The following CSMD1 variants were observed in gnomAD, a reference collection of about 807,000 sequenced individuals.
The protein encoded by CSMD1 is CUB and Sushi multiple domains 1, also known as CUB and sushi domain-containing protein 1.
A neutral mutation model predicts 417.5 loss-of-function variants in CSMD1; 213 were observed. The observed-to-expected ratio is 0.51, with a 90% CI of 0.46 to 0.57. The LOEUF (loss-of-function observed/expected upper bound fraction) is 0.57. Among genes scored for constraint, CSMD1 ranks in the 20% least tolerant of loss-of-function variants. CSMD1 has a pLI of 0.00. For synonymous variants in CSMD1, 2,862 were observed against 1,736.8 expected, an observed-to-expected ratio of 1.65 and a Z score of -16.11; for missense variants, 6,923 against 4,529.7, an observed-to-expected ratio of 1.53 and a Z score of -15.17.
Position 4,091,853 on chromosome 8 carries a change from A to G in CSMD1, c.416-59754T>C, listed in dbSNP as rs559135931. 2.6e-5 allele frequency among the ~76,000 whole-genome samples: 4 copies of G among 152,350 alleles called. No homozygotes were observed. The South Asian group carries it at 6.2e-4, about 24-fold the overall frequency. On this transcript the variant is annotated intron_variant, in intron 3 of 69. Transcript: ENST00000635120. ...GACTATTTAGCAATGGAGAAACAAC[A>G]GAATTTTAACAAAATTAGACTCCGC...
chr8:4,797,578 C>A (rs150378122), intron 1 of CSMD1, among the ~76,000 whole-genome samples: 2 of 151,904 alleles, frequency 1.3e-5, no homozygotes, highest in Non-Finnish European at 2.9e-5. Context: ...TATAAAAGTA[C>A]GAAATTATTC....
intron 1 of CSMD1, among the ~76,000 whole-genome samples, chr8:4,988,136 C>T (rs890445109): frequency 6.6e-6 from 1 of 152,202 alleles, no homozygotes; most frequent in Non-Finnish European, 1.5e-5. Flanking sequence ...AACAATTTGA[C>T]TCCTTCATGT....
intron 10 of CSMD1, among the ~76,000 whole-genome samples, chr8:3,556,414 T>TACA (rs1349911850): frequency 7.0e-6 from 1 of 142,044 alleles, no homozygotes; most frequent in African/African-American, 2.7e-5. Context: ...TATATATATA[T>TACA]TCACACACAC....
intron 5 of CSMD1, among the ~76,000 whole-genome samples, chr8:3,915,170 C>G (rs1004069475): frequency 3.9e-5 from 6 of 152,038 alleles, no homozygotes; most frequent in East Asian, 1.9e-4. Flanking sequence ...CTTTGGGAGG[C>G]TGAGGCAGGA....
Position 3,579,246 on chromosome 8 carries a change from T to G in CSMD1, c.1223-4180A>C, listed in dbSNP as rs373360094. 3.9e-5 allele frequency among the ~76,000 whole-genome samples: 6 copies of G among 152,164 alleles called. No individual in the cohort carries two copies. In the East Asian group the frequency reaches 9.7e-4, roughly 25 times the overall value. ...GAGAAGAAAAATGACCAATTTTGGA[T>G]GCCAATGCATGCCATTTTGACATTT... On this transcript the variant is annotated intron_variant, in intron 9 of 69. Transcript: ENST00000635120.
intron 10 of CSMD1, among the ~76,000 whole-genome samples, chr8:3,497,701 T>A (rs866346697): frequency 6.6e-6 from 1 of 152,210 alleles, no homozygotes; most frequent in Non-Finnish European, 1.5e-5. Context: ...GTGCAGTGAG[T>A]TTCTTATAGG....
At chr8:3,107,879 G>A (rs1816250853) in intron 44 of CSMD1, 81 bp from the exon 45 acceptor site, 1 of 901,030 alleles carries the variant, frequency 1.1e-6, no homozygotes, top group Admixed American at 2.5e-5. Context: ...CATTCATCTT[G>A]CAGTTGTTAT....
rs73658477 is a variant in CSMD1, at chr8:4,205,900, A to T, written c.416-173801T>A. On this transcript the variant is annotated intron_variant, in intron 3 of 69. Coordinates refer to ENST00000635120, the MANE Select transcript of CSMD1 (RefSeq NM_033225.6). ...CCTATTATGCACTGTGCAGAAAATC[A>T]GTACCGAGTCCTCCTGCAGCCACGT... 6.5e-3 allele frequency among the ~76,000 whole-genome samples: 988 copies of T among 152,304 alleles called. 10 individuals are homozygous for T. Among genetic ancestry groups the T allele is most frequent in the African/African-American group, 0.023 (956 of 41,570 alleles).
intron 3 of CSMD1, among the ~76,000 whole-genome samples, chr8:4,337,510 T>A (rs12334940): frequency 0.056 from 8,539 of 152,170 alleles, 719 homozygotes; most frequent in African/African-American, 0.18. Flanking sequence ...TAAGGATAAT[T>A]AATACTCAGA....
At chr8:3,164,986 G>A (rs1820120452) in intron 37 of CSMD1, among the ~76,000 whole-genome samples, 1 of 151,174 alleles carries the variant, frequency 6.6e-6, no homozygotes, top group Non-Finnish European at 1.5e-5. Context: ...TTTATATCTG[G>A]CCTTTAAGGA....
intron 2 of CSMD1, among the ~76,000 whole-genome samples, chr8:4,446,106 G>C (rs903073430): frequency 2.0e-5 from 3 of 152,316 alleles, no homozygotes; most frequent in East Asian, 1.9e-4. Flanking sequence ...TAGACAGCAA[G>C]TTGTGATTTT....
intron 1 of CSMD1, among the ~76,000 whole-genome samples, chr8:4,797,469 T>A (rs752442855): frequency 6.6e-6 from 1 of 152,200 alleles, no homozygotes; most frequent in Non-Finnish European, 1.5e-5. Flanking sequence ...GTTTTTATTA[T>A]GTTGGCGCAA....
At chr8:4,699,578 C>G (rs1295186832) in intron 1 of CSMD1, among the ~76,000 whole-genome samples, 1 of 151,892 alleles carries the variant, frequency 6.6e-6, no homozygotes, top group Non-Finnish European at 1.5e-5. Context: ...TCTAATTTAA[C>G]CAATAAGAAT....
chr8:3,657,861 C>T (rs895001237), intron 7 of CSMD1, among the ~76,000 whole-genome samples: 2 of 152,116 alleles, frequency 1.3e-5, no homozygotes, highest in Non-Finnish European at 2.9e-5. Context: ...AAAAGAGAAA[C>T]TATAAACAAA....
intron 2 of CSMD1, among the ~76,000 whole-genome samples, chr8:4,538,574 T>C (rs541116945): frequency 6.6e-6 from 1 of 151,720 alleles, no homozygotes; most frequent in East Asian, 2.0e-4. Context: ...ACCCAGGAGT[T>C]GGACGTTGCA....
chr8:4,502,255 G>A (rs1585173174), intron 2 of CSMD1, among the ~76,000 whole-genome samples: 2 of 151,986 alleles, frequency 1.3e-5, no homozygotes, highest in Admixed American at 6.6e-5. Context: ...AGTTCTGGGT[G>A]CACATTCTTG....
chr8:3,800,715 AAC>A (rs1463142748), intron 5 of CSMD1, among the ~76,000 whole-genome samples: 4 of 152,148 alleles, frequency 2.6e-5, no homozygotes, highest in Admixed American at 2.6e-4. Context: ...ACAAGGTAAG[AAC>A]AGTTCTTGAA....
chr8:4,051,382 G>A (rs1365019251), intron 3 of CSMD1, among the ~76,000 whole-genome samples: 1 of 152,022 alleles, frequency 6.6e-6, no homozygotes, highest in Non-Finnish European at 1.5e-5. Context: ...GATCCCGGAG[G>A]GCTGATCCAA....
Position 3,408,249 on chromosome 8 carries a change from CA to C in CSMD1, c.1745-25del. On this transcript the variant is annotated intron_variant, in intron 13 of 69. Transcript: ENST00000635120. ...AACTGTGAAGATGCAAATATATTTT[CA>C]AACAGTTATGCACATATCCAAAGAA... The C allele has an allele frequency of 1.3e-6, 2 of 1,544,300 alleles. 1 individual carries two copies. The highest frequency in any genetic ancestry group is 2.4e-5 in the South Asian group (2 of 83,908).
Sources: gnomAD v4.1 joint callset for allele counts (sites outside exome capture counted in the v4.1 genomes callset) on GRCh38, gnomAD v4.1.1 for gene constraint, MANE v1.5 for transcripts, NCBI Gene and HGNC (gene_info 2026-07-23, HGNC 2026-07-21) for gene names.